PRR16: variants seen among roughly 807,000 people sequenced by gnomAD.
PRR16 encodes the protein proline rich 16.
A neutral mutation model predicts 18.2 loss-of-function variants in PRR16; 6 were observed. The observed-to-expected ratio is 0.33, with a 90% CI of 0.18 to 0.65. PRR16 has a LOEUF of 0.65. Ranked by LOEUF, PRR16 falls within the 30% of genes least tolerant of loss-of-function variation. The pLI is 0.74. For synonymous variants in PRR16, 151 were observed against 147.8 expected (o/e 1.02, Z -0.16); for missense variants, 412 against 376.6 (o/e 1.09, Z -0.78).
intron 1 of PRR16, among the ~76,000 whole-genome samples, chr5:120,620,124 G>A (rs1754639350): frequency 6.6e-6 from 1 of 152,162 alleles, no homozygotes; most frequent in Admixed American, 6.6e-5. Context: ...TCATGGTAAA[G>A]TTTGGTGTTT....
chr5:120,504,200 C>T (rs1162682467), intron 1 of PRR16, among the ~76,000 whole-genome samples: 1 of 152,140 alleles, frequency 6.6e-6, no homozygotes, highest in Non-Finnish European at 1.5e-5. Context: ...GAGGTTCAGG[C>T]TCTTCACCCA....
chr5:120,778,906 T>C, the PRR16 span, among the ~76,000 whole-genome samples: 103 of 152,294 alleles, frequency 6.8e-4, no homozygotes, highest in African/African-American at 2.3e-3. Flanking sequence ...AGGGAAGTAT[T>C]GTTATTACTT....
chr5:120,638,182 G>A (rs1221599157), intron 1 of PRR16, among the ~76,000 whole-genome samples: 1 of 152,082 alleles, frequency 6.6e-6, no homozygotes, highest in Non-Finnish European at 1.5e-5. Flanking sequence ...GTCACAGGAG[G>A]TCAGGTGTAG....
chr5:120,762,245 C>T, the PRR16 span, among the ~76,000 whole-genome samples: 1 of 152,076 alleles, frequency 6.6e-6, no homozygotes, highest in African/African-American at 2.4e-5. Flanking sequence ...AGTGGAGATG[C>T]AAATTTTCAT....
intron 1 of PRR16, among the ~76,000 whole-genome samples, chr5:120,572,833 T>A (rs2112738694): frequency 6.6e-6 from 1 of 152,190 alleles, no homozygotes; most frequent in Non-Finnish European, 1.5e-5. Context: ...TAGGGAATGG[T>A]CAAATTGGTT....
intron 1 of PRR16, among the ~76,000 whole-genome samples, chr5:120,487,573 T>A (rs929866124): frequency 6.6e-6 from 1 of 152,266 alleles, no homozygotes; most frequent in South Asian, 2.1e-4. Flanking sequence ...TTTCTAGATA[T>A]ACAATCATGT....
the PRR16 span, among the ~76,000 whole-genome samples, chr5:120,751,105 A>G: frequency 6.6e-6 from 1 of 152,126 alleles, no homozygotes; most frequent in Admixed American, 6.6e-5. Flanking sequence ...ATCTTGCTGA[A>G]ATGATGAGAG....
chr5:120,599,721 C>T (rs1278970112), intron 1 of PRR16, among the ~76,000 whole-genome samples: 1 of 151,814 alleles, frequency 6.6e-6, no homozygotes, highest in Non-Finnish European at 1.5e-5. Flanking sequence ...TTACCTTTCC[C>T]CATCTAGTGA....
chr5:120,528,571 G>T (rs1253036691), intron 1 of PRR16, among the ~76,000 whole-genome samples: 27 of 152,192 alleles, frequency 1.8e-4, no homozygotes, highest in Non-Finnish European at 4.4e-5. Flanking sequence ...TTTGAGCTCA[G>T]TGAAGGCATC....
At chr5:120,621,576 G>A (rs1213143949) in intron 1 of PRR16, among the ~76,000 whole-genome samples, 1 of 151,954 alleles carries the variant, frequency 6.6e-6, no homozygotes. Flanking sequence ...CATAATCCCC[G>A]TAATCCACAT....
At chr5:120,506,956 C>T (rs1157862500) in intron 1 of PRR16, among the ~76,000 whole-genome samples, 2 of 152,060 alleles carry the variant, frequency 1.3e-5, no homozygotes, top group Admixed American at 1.3e-4. Flanking sequence ...GCTTTCTGGC[C>T]TCAATAGAAG....
chr5:120,545,369 T>C (rs765892031), intron 1 of PRR16, among the ~76,000 whole-genome samples: 7 of 152,170 alleles, frequency 4.6e-5, no homozygotes, highest in Non-Finnish European at 1.0e-4. Context: ...CAGTGTTCTC[T>C]ACATAATGTC....
At chr5:120,601,147 C>A (rs1291491556) in intron 1 of PRR16, among the ~76,000 whole-genome samples, 18 of 151,980 alleles carry the variant, frequency 1.2e-4, no homozygotes, top group Admixed American at 1.2e-3. Flanking sequence ...GAGAAATCTC[C>A]AAACTGCTTT....
the PRR16 span, among the ~76,000 whole-genome samples, chr5:120,762,620 C>G: frequency 1.7e-4 from 26 of 152,224 alleles, no homozygotes; most frequent in African/African-American, 5.8e-4. Context: ...TCTTTGCCCA[C>G]TTTTTAAGGG....
At chr5:120,485,760 T>C (rs1749776957) in intron 1 of PRR16, among the ~76,000 whole-genome samples, 1 of 152,180 alleles carries the variant, frequency 6.6e-6, no homozygotes, top group African/African-American at 2.4e-5. Flanking sequence ...CAACCCGTCA[T>C]CTAACATTAG....
chr5:120,757,210 G>T, the PRR16 span, among the ~76,000 whole-genome samples: 1 of 151,936 alleles, frequency 6.6e-6, no homozygotes, highest in Non-Finnish European at 1.5e-5. Flanking sequence ...TGATGTTTTG[G>T]TTACTGTAGC....
chr5:120,789,549 A>C, the PRR16 span, among the ~76,000 whole-genome samples: 1 of 152,124 alleles, frequency 6.6e-6, no homozygotes, highest in East Asian at 1.9e-4. Flanking sequence ...CTTACATTAT[A>C]CAGTGTTGTG....
chr5:120,723,230 G>A, the PRR16 span, among the ~76,000 whole-genome samples: 4 of 151,850 alleles, frequency 2.6e-5, no homozygotes, highest in Non-Finnish European at 5.9e-5. Flanking sequence ...GGACTAAGAA[G>A]AATTGATTAC....
At chr5:120,570,752 A>G (rs1027182617) in intron 1 of PRR16, among the ~76,000 whole-genome samples, 1 of 152,184 alleles carries the variant, frequency 6.6e-6, no homozygotes, top group African/African-American at 2.4e-5. Flanking sequence ...TGTATGGATA[A>G]ATCTTAATAA....
Sources: gnomAD v4.1 joint callset for allele counts (sites outside exome capture counted in the v4.1 genomes callset) on GRCh38, gnomAD v4.1.1 for gene constraint, MANE v1.5 for transcripts, NCBI Gene and HGNC (gene_info 2026-07-23, HGNC 2026-07-21) for gene names.